The following IL1RAPL2 variants were observed in gnomAD, a reference collection of about 807,000 sequenced individuals.
IL1RAPL2 encodes X-linked interleukin-1 receptor accessory protein-like 2.
A neutral mutation model predicts 44.1 loss-of-function variants in IL1RAPL2; 3 were observed. That is an observed-to-expected ratio of 0.07 (90% CI 0.03 to 0.18). The LOEUF (loss-of-function observed/expected upper bound fraction) is 0.18, where lower values mean the gene tolerates loss of function less well. Among genes scored for constraint, IL1RAPL2 ranks in the 10% least tolerant of loss-of-function variants. The pLI, the probability that IL1RAPL2 is intolerant of heterozygous loss-of-function variation, is 1.00. For missense variants in IL1RAPL2, 391 were observed against 496.4 expected (o/e 0.79, Z 2.02); for synonymous variants, 181 against 178.8 (o/e 1.01, Z -0.10).
chrX:105,639,708 CT>C (rs1463754197), intron 6 of IL1RAPL2, among the ~76,000 whole-genome samples: 1 of 111,238 alleles, frequency 9.0e-6, no homozygotes, highest in African/African-American at 3.3e-5. Flanking sequence ...CCATTCTCAA[CT>C]TTATTTTTAC....
chrX:104,778,732 T>A (rs917355294), intron 2 of IL1RAPL2, among the ~76,000 whole-genome samples: 1 of 109,478 alleles, frequency 9.1e-6, no homozygotes, highest in African/African-American at 3.3e-5. Context: ...ATATAATTTT[T>A]ACCAGCCAAT....
chrX:104,663,466 G>A (rs1022276730), intron 2 of IL1RAPL2, among the ~76,000 whole-genome samples: 2 of 110,977 alleles, frequency 1.8e-5, no homozygotes, highest in Admixed American at 1.9e-4. Context: ...TTCACACTGT[G>A]CTTTTAGCTG....
intron 2 of IL1RAPL2, among the ~76,000 whole-genome samples, chrX:104,950,688 T>C (rs1925550997): frequency 1.2e-5 from 1 of 85,227 alleles, no homozygotes; most frequent in Non-Finnish European, 2.6e-5. Flanking sequence ...CTGTTTTTTG[T>C]TTGTTTGTTT....
chrX:104,794,355 G>A (rs1932839511), intron 2 of IL1RAPL2, among the ~76,000 whole-genome samples: 1 of 111,627 alleles, frequency 9.0e-6, no homozygotes, highest in Non-Finnish European at 1.9e-5. Flanking sequence ...CAAGATAGTG[G>A]CTTTTGGGAG....
chrX:105,249,451 A>C (rs1462164603), intron 4 of IL1RAPL2, among the ~76,000 whole-genome samples: 4 of 111,555 alleles, frequency 3.6e-5, no homozygotes, highest in Non-Finnish European at 7.6e-5. Flanking sequence ...CAGTGAGTCT[A>C]TAGTCAAAAA....
intron 2 of IL1RAPL2, among the ~76,000 whole-genome samples, chrX:104,805,076 C>T (rs1932912794): frequency 1.8e-5 from 2 of 111,753 alleles, no homozygotes; most frequent in Admixed American, 1.9e-4. Flanking sequence ...GTATACATCC[C>T]TCTCCACCTG....
chrX:105,282,434 G>A (rs1420305100), intron 5 of IL1RAPL2, among the ~76,000 whole-genome samples: 3 of 111,629 alleles, frequency 2.7e-5, no homozygotes, highest in Non-Finnish European at 5.6e-5. Flanking sequence ...TCCATGATTT[G>A]TCACTGGGCT....
chrX:105,600,555 AATT>A (rs2037243515), intron 6 of IL1RAPL2, among the ~76,000 whole-genome samples: 1 of 108,411 alleles, frequency 9.2e-6, no homozygotes, highest in South Asian at 4.0e-4. Context: ...TTAATGAAAT[AATT>A]ATAATTAATC....
chrX:105,284,010 G>T (rs187583351), intron 5 of IL1RAPL2, among the ~76,000 whole-genome samples: 9 of 111,470 alleles, frequency 8.1e-5, no homozygotes, highest in African/African-American at 2.6e-4. Flanking sequence ...TGCTATATGG[G>T]GATGATATCT....
intron 5 of IL1RAPL2, among the ~76,000 whole-genome samples, chrX:105,393,890 A>G (rs1409994015): frequency 2.7e-5 from 3 of 112,232 alleles, no homozygotes; most frequent in Admixed American, 9.5e-5. Flanking sequence ...TCCCTATTTC[A>G]TAAGTGAGGA....
intron 2 of IL1RAPL2, among the ~76,000 whole-genome samples, chrX:105,031,336 A>G (rs1386894677): frequency 1.8e-5 from 2 of 108,811 alleles, no homozygotes; most frequent in African/African-American, 6.7e-5. Context: ...TTCAAAGGGA[A>G]TGCTTCCAGT....
intron 4 of IL1RAPL2, among the ~76,000 whole-genome samples, chrX:105,241,126 TG>T (rs1416485547): frequency 3.6e-5 from 4 of 111,711 alleles, no homozygotes; most frequent in Admixed American, 9.5e-5. Context: ...CAAATAATCC[TG>T]TTTACCTCTC....
intron 6 of IL1RAPL2, among the ~76,000 whole-genome samples, chrX:105,559,622 G>A: frequency 8.9e-6 from 1 of 111,766 alleles, no homozygotes; most frequent in South Asian, 3.8e-4. Flanking sequence ...TCTACTTTGG[G>A]CCTTTGCTGA....
intron 2 of IL1RAPL2, among the ~76,000 whole-genome samples, chrX:104,965,299 C>CT (rs1366523550): frequency 8.9e-6 from 1 of 111,788 alleles, no homozygotes; most frequent in Non-Finnish European, 1.9e-5. Context: ...ATTAGTTTGT[C>CT]TTGGCCTGGG....
chrX:104,983,457 A>AATATTAGATACATAATATTATATAATATC (rs2030485474), intron 2 of IL1RAPL2, among the ~76,000 whole-genome samples: 1 of 40,869 alleles, frequency 2.4e-5, no homozygotes, highest in African/African-American at 8.1e-5. Context: ...AATATTATAT[A>AATATTAGATACATAATATTATATAATATC]ATATTAGATA....
intron 2 of IL1RAPL2, among the ~76,000 whole-genome samples, chrX:104,756,624 C>T (rs1932344067): frequency 9.0e-6 from 1 of 110,669 alleles, no homozygotes; most frequent in Non-Finnish European, 1.9e-5. Context: ...GCCCTCATGT[C>T]ACTTACATTT....
intron 2 of IL1RAPL2, among the ~76,000 whole-genome samples, chrX:104,723,117 T>C (rs1474429764): frequency 9.0e-6 from 1 of 110,695 alleles, no homozygotes; most frequent in Admixed American, 9.7e-5. Context: ...CTGACATCCA[T>C]TTTGACAGAG....
chrX:105,395,800 A>G (rs1377093787), intron 5 of IL1RAPL2, among the ~76,000 whole-genome samples: 1 of 111,944 alleles, frequency 8.9e-6, no homozygotes, highest in African/African-American at 3.2e-5. Flanking sequence ...TCTTCTCTAT[A>G]CAGCCAAATG....
intron 6 of IL1RAPL2, among the ~76,000 whole-genome samples, chrX:105,623,478 G>A (rs2037434008): frequency 9.0e-6 from 1 of 110,980 alleles, no homozygotes; most frequent in Admixed American, 9.6e-5. Context: ...GTTTTTTTCA[G>A]TTCTGGGACC....
Sources: allele counts gnomAD v4.1 joint callset (sites outside exome capture counted in the v4.1 genomes callset), GRCh38; gene constraint gnomAD v4.1.1; transcripts MANE v1.5; gene names NCBI Gene and HGNC (gene_info 2026-07-23, HGNC 2026-07-21).